Variants in RBFOX1 observed in about 807,000 individuals in gnomAD.
The protein encoded by RBFOX1 is RNA binding fox-1 homolog 1.
A neutral mutation model predicts 57.7 loss-of-function variants in RBFOX1; 8 were observed. The ratio of observed to expected loss-of-function variants is 0.14; its 90% CI spans 0.08 to 0.25. The LOEUF is 0.25. Among genes scored for constraint, RBFOX1 ranks in the 10% least tolerant of loss-of-function variants. The probability of loss-of-function intolerance (pLI) is 1.00; values close to 1 mark genes in which losing one functional copy is unlikely to be tolerated. For synonymous variants in RBFOX1, 326 were observed against 222.4 expected (o/e 1.47, Z -4.15); for missense variants, 611 against 548.5 (o/e 1.11, Z -1.14).
At chr16:5,312,283 C>T (rs186056403) in intron 1 of RBFOX1, among the ~76,000 whole-genome samples, 3 of 152,224 alleles carry the variant, frequency 2.0e-5, no homozygotes, top group South Asian at 2.1e-4. Flanking sequence ...AAACTTAGGG[C>T]GGAATTTCTC....
At chr16:5,323,687 G>A (rs1034543725) in intron 1 of RBFOX1, among the ~76,000 whole-genome samples, 2 of 152,186 alleles carry the variant, frequency 1.3e-5, no homozygotes, top group African/African-American at 2.4e-5. Flanking sequence ...AAGCTAACCC[G>A]GGCTTCAAAA....
intron 3 of RBFOX1, among the ~76,000 whole-genome samples, chr16:6,884,090 A>T (rs886566600): frequency 6.6e-6 from 1 of 152,126 alleles, no homozygotes; most frequent in African/African-American, 2.4e-5. Context: ...TTATGCAAGC[A>T]CCTGCGATGC....
chr16:6,812,398 A>G (rs965893631), intron 3 of RBFOX1, among the ~76,000 whole-genome samples: 7 of 152,050 alleles, frequency 4.6e-5, no homozygotes, highest in African/African-American at 1.7e-4. Context: ...TTTGAGACGG[A>G]GTCTGGGTCT....
At chr16:7,346,545 C>G (rs1029695324) in intron 4 of RBFOX1, among the ~76,000 whole-genome samples, 5 of 151,830 alleles carry the variant, frequency 3.3e-5, no homozygotes, top group African/African-American at 1.2e-4. Context: ...CCACTGCCCT[C>G]CTGTGTAGAA....
chr16:5,771,066 G>A (rs1339956779), intron 3 of RBFOX1, among the ~76,000 whole-genome samples: 1 of 152,172 alleles, frequency 6.6e-6, no homozygotes, highest in Admixed American at 6.5e-5. Context: ...CTGCCTCCCA[G>A]ATCTACTGAG....
chr16:7,198,060 C>T (rs528894755), intron 4 of RBFOX1, among the ~76,000 whole-genome samples: 167 of 124,518 alleles, frequency 1.3e-3, no homozygotes, highest in African/African-American at 5.3e-3. Flanking sequence ...GGCTGGAATG[C>T]CGTGGAGCGA....
Position 5,909,089 on chromosome 16 carries a change from C to CTTT in RBFOX1, c.351+41754_351+41755insTTT, listed in dbSNP as rs1168067500. Among the ~76,000 whole-genome samples, 111 of 79,374 alleles carry CTTT rather than the reference C, an allele frequency of 1.4e-3. 1 individual carries two copies. Among genetic ancestry groups the CTTT allele is most frequent in the African/African-American group, 1.5e-3 (41 of 27,478 alleles). The allele number at this position is 79,374 out of a possible 152,430, so 52.1% of individuals were successfully genotyped here. A position where few individuals can be genotyped will look rare whatever the true frequency, so the allele number is the denominator to read the frequency against. On this transcript the variant is annotated intron_variant, in intron 4 of 19. Transcript: ENST00000641259. The stretch of plus-strand genomic sequence containing the variant: ...TATCGGCTCCAACAGACTAAGCCCC[C>CTTT]CTTTTTTTTTTTTTTTTTTTTGAGA...
intron 2 of RBFOX1, among the ~76,000 whole-genome samples, chr16:6,609,371 G>A (rs1489002115): frequency 6.6e-6 from 1 of 151,928 alleles, no homozygotes; most frequent in African/African-American, 2.4e-5. Flanking sequence ...TTGAGACAGG[G>A]TCTCACTCTG....
intron 3 of RBFOX1, among the ~76,000 whole-genome samples, chr16:5,664,247 A>G (rs891682924): frequency 6.6e-6 from 1 of 152,092 alleles, no homozygotes; most frequent in Non-Finnish European, 1.5e-5. Context: ...TCAGTTGTGA[A>G]CTCTTTAAAA....
At chr16:6,576,954 A>T (rs2097448105) in intron 2 of RBFOX1, 1 of 152,204 alleles carries the variant, frequency 6.6e-6, no homozygotes, top group Non-Finnish European at 1.5e-5. Context: ...CTAGGGATAC[A>T]TTTCCAGCCC....
chr16:6,106,078 A>G (rs1346748199), intron 1 of RBFOX1, among the ~76,000 whole-genome samples: 5 of 152,054 alleles, frequency 3.3e-5, no homozygotes, highest in African/African-American at 4.8e-5. Context: ...TTTTCCTTCA[A>G]TGGCTCTTAA....
intron 3 of RBFOX1, among the ~76,000 whole-genome samples, chr16:7,036,562 G>A (rs939938041): frequency 2.6e-5 from 4 of 151,920 alleles, no homozygotes; most frequent in Non-Finnish European, 5.9e-5. Flanking sequence ...ATACTGTGGC[G>A]GCTGCCCATA....
At chr16:7,452,101 GT>G (rs1456931491) in intron 4 of RBFOX1, among the ~76,000 whole-genome samples, 1 of 152,224 alleles carries the variant, frequency 6.6e-6, no homozygotes, top group African/African-American at 2.4e-5. Context: ...TGTAGTTAGA[GT>G]AAAATGTCAA....
At chr16:5,912,213 G>A (rs1454437757) in intron 4 of RBFOX1, among the ~76,000 whole-genome samples, 1 of 152,130 alleles carries the variant, frequency 6.6e-6, no homozygotes, top group African/African-American at 2.4e-5. Flanking sequence ...CATCCATGTA[G>A]GGGGTTTGCT....
chr16:7,365,244 A>T (rs772092674), intron 4 of RBFOX1, among the ~76,000 whole-genome samples: 10 of 152,202 alleles, frequency 6.6e-5, no homozygotes, highest in African/African-American at 9.7e-5. Flanking sequence ...AGAGAAACAG[A>T]TGATACACTC....
chr16:5,568,403 C>T (rs1226878284), intron 2 of RBFOX1, among the ~76,000 whole-genome samples: 3 of 152,178 alleles, frequency 2.0e-5, no homozygotes, highest in Non-Finnish European at 4.4e-5. Context: ...AATTGGACAT[C>T]GTATAATCTG....
At chr16:7,438,258 G>A (rs372711796) in intron 4 of RBFOX1, among the ~76,000 whole-genome samples, 2 of 152,086 alleles carry the variant, frequency 1.3e-5, no homozygotes, top group African/African-American at 4.8e-5. Context: ...ATGCTGATGC[G>A]AGAAACACCT....
chr16:5,589,601 G>C (rs2046940879), intron 2 of RBFOX1, among the ~76,000 whole-genome samples: 1 of 152,186 alleles, frequency 6.6e-6, no homozygotes, highest in Non-Finnish European at 1.5e-5. Flanking sequence ...TGTTGATGAA[G>C]GATCACTACA....
At chr16:7,407,423 A>G (rs1340919126) in intron 4 of RBFOX1, among the ~76,000 whole-genome samples, 1 of 151,492 alleles carries the variant, frequency 6.6e-6, no homozygotes, top group African/African-American at 2.4e-5. Flanking sequence ...TGGTGCAGAG[A>G]AGAATGGCAC....
Sources: allele counts gnomAD v4.1 joint callset (sites outside exome capture counted in the v4.1 genomes callset), GRCh38; gene constraint gnomAD v4.1.1; transcripts MANE v1.5; gene names NCBI Gene and HGNC (gene_info 2026-07-23, HGNC 2026-07-21).